The following RUNX1 variants were observed in gnomAD, a reference collection of about 807,000 sequenced individuals.
RUNX1 encodes the protein RUNX family transcription factor 1, also known as runt-related transcription factor 1.
Under a neutral mutation model 42.8 loss-of-function variants are expected in RUNX1, and 19 were observed. That is an observed-to-expected ratio of 0.44 (90% CI 0.31 to 0.65). RUNX1 has a LOEUF of 0.65. Among genes scored for constraint, RUNX1 ranks in the 30% least tolerant of loss-of-function variants. The probability of loss-of-function intolerance (pLI) is 0.07; values close to 1 mark genes in which losing one functional copy is unlikely to be tolerated. For missense variants in RUNX1, 528 were observed against 672.0 expected (o/e 0.79, Z 2.37); for synonymous variants, 271 against 289.4 (o/e 0.94, Z 0.64).
chr21:35,038,043 T>G (rs1046614948), intron 2 of RUNX1, among the ~76,000 whole-genome samples: 13 of 152,042 alleles, frequency 8.6e-5, no homozygotes, highest in African/African-American at 3.1e-4. Context: ...ATTTTCAGAG[T>G]TACCTTGTAC....
At chr21:35,000,701 A>G (rs1201538149) in intron 2 of RUNX1, among the ~76,000 whole-genome samples, 1 of 152,228 alleles carries the variant, frequency 6.6e-6, no homozygotes, top group Non-Finnish European at 1.5e-5. Flanking sequence ...TATAAGTAAC[A>G]TTAACTACTC....
chr21:34,798,620 T>C (rs1380217478), intron 8 of RUNX1, among the ~76,000 whole-genome samples: 1 of 152,046 alleles, frequency 6.6e-6, no homozygotes, highest in Non-Finnish European at 1.5e-5. Flanking sequence ...AAAAAAAGGA[T>C]GGTTGTGTCT....
chr21:34,957,458 C>T (rs1391222158), intron 2 of RUNX1, among the ~76,000 whole-genome samples: 1 of 152,136 alleles, frequency 6.6e-6, no homozygotes, highest in Non-Finnish European at 1.5e-5. Flanking sequence ...AGGTGGCCCC[C>T]TGAGAGACTA....
rs745649956 is a variant in RUNX1, at chr21:34,880,642, C to T, written c.423G>A (p.Ser141=). The T allele has an allele frequency of 1.7e-5, 28 of 1,613,966 alleles. No homozygotes were observed. In the South Asian group the frequency reaches 1.9e-4, roughly 11 times the overall value. Residue 141 remains serine, a synonymous_variant, in exon 5 of 9, where the codon TCG becomes TCA. Transcript: ENST00000675419. The part of the protein sequence containing the change: ...TVMAGNDENY[S]AELRNATAAM... The stretch of plus-strand genomic sequence containing the variant: ...CTGCGGTAGCATTTCTCAGCTCAGC[C>T]GAGTAGTTTTCATCATTGCCAGCCA...
In RUNX1 at chr21:34,892,921, A is replaced by G. The variant is rs754042987; in HGVS notation, c.97+4T>C. On this transcript the variant is annotated splice_donor_region_variant and intron_variant, in intron 3 of 8. Transcript: ENST00000675419. ...TTAAAAATATAACTTGGAATTTAAC[A>G]TACCGTGGACGTCTCTAGAAGGATT... The G allele has an allele frequency of 6.5e-7, 1 of 1,540,838 alleles. No homozygotes were observed. The highest frequency in any genetic ancestry group is 1.7e-4 in the Middle Eastern group (1 of 5,902).
At chr21:34,870,788 T>C (rs2057725600) in intron 5 of RUNX1, among the ~76,000 whole-genome samples, 1 of 151,928 alleles carries the variant, frequency 6.6e-6, no homozygotes, top group South Asian at 2.1e-4. Flanking sequence ...TGAAACCCCG[T>C]CTCTATGAAA....
At chr21:35,033,985 G>T (rs1226222301) in intron 2 of RUNX1, among the ~76,000 whole-genome samples, 1 of 152,084 alleles carries the variant, frequency 6.6e-6, no homozygotes, top group African/African-American at 2.4e-5. Context: ...TCTATAACTA[G>T]ACACGAAGAT....
chr21:34,882,421 A>T (rs537572245), intron 4 of RUNX1, among the ~76,000 whole-genome samples: 1 of 152,174 alleles, frequency 6.6e-6, no homozygotes, highest in African/African-American at 2.4e-5. Flanking sequence ...ATTTTCCTCT[A>T]TTTTATCCAA....
At chr21:34,870,576 G>T (rs887529296) in intron 5 of RUNX1, among the ~76,000 whole-genome samples, 38 of 152,314 alleles carry the variant, frequency 2.5e-4, no homozygotes, top group African/African-American at 8.9e-4. Context: ...AGAATAACTG[G>T]CCCTAAATGT....
chr21:34,963,360 C>T (rs927497917), intron 2 of RUNX1, among the ~76,000 whole-genome samples: 10 of 152,188 alleles, frequency 6.6e-5, no homozygotes, highest in African/African-American at 2.4e-4. Context: ...CCTTTTAAAG[C>T]TCCTGCAGAG....
Position 34,901,221 on chromosome 21 carries a change from A to C in RUNX1, c.59-8258T>G, listed in dbSNP as rs10854374. 0.22 allele frequency among the ~76,000 whole-genome samples: 32,962 copies of C among 151,600 alleles called. 3,807 individuals are homozygous for C. Among genetic ancestry groups the C allele is most frequent in the African/African-American group, 0.25 (10,284 of 41,294 alleles). On this transcript the variant is annotated intron_variant, in intron 2 of 8. Coordinates refer to ENST00000675419, the MANE Select transcript of RUNX1 (RefSeq NM_001754.5). This position sits in a 1 kb window ranked among gnomAD's most constrained non-coding sequence, Gnocchi z 4.3. ...CAAGTGTCTCTTTTGTGCAAAGATA[A>C]CAGTTTCTGGCTGGTCACGGTGGGT...
chr21:34,907,990 CT>C lies in RUNX1; in HGVS notation c.59-15028del, dbSNP rs1206649928. ...GAAACAGTGGCTGATCTGGGACCCC[CT>C]GACCTGTGAATTTGTGGTCCACCCC... On this transcript the variant is annotated intron_variant, in intron 2 of 8. Transcript: ENST00000675419. This position sits in a 1 kb window ranked among gnomAD's most constrained non-coding sequence, Gnocchi z 5.3. Among the ~76,000 whole-genome samples the C allele has an allele frequency of 1.3e-5, 2 of 152,174 alleles. No homozygotes were observed. Among genetic ancestry groups the C allele is most frequent in the Non-Finnish European group, 2.9e-5 (2 of 68,032 alleles).
chr21:34,871,699 C>T (rs186379401), intron 5 of RUNX1, among the ~76,000 whole-genome samples: 2 of 152,302 alleles, frequency 1.3e-5, no homozygotes, highest in African/African-American at 2.4e-5. Context: ...GCAAGCCCAT[C>T]CTGTGGGCGG....
chr21:34,938,477 C>T (rs2058502690), intron 2 of RUNX1, among the ~76,000 whole-genome samples: 1 of 152,120 alleles, frequency 6.6e-6, no homozygotes, highest in Non-Finnish European at 1.5e-5. Context: ...ATAGTTCTCT[C>T]ATTTTCTTTC....
intron 2 of RUNX1, among the ~76,000 whole-genome samples, chr21:34,968,061 T>C (rs1400371498): frequency 2.0e-5 from 3 of 152,178 alleles, no homozygotes; most frequent in Non-Finnish European, 4.4e-5. Context: ...CCGATCCAGC[T>C]TCCTGCAACT....
chr21:34,899,327 T>A (rs1408163268), intron 2 of RUNX1, among the ~76,000 whole-genome samples: 2 of 152,150 alleles, frequency 1.3e-5, no homozygotes, highest in Non-Finnish European at 2.9e-5. Flanking sequence ...GGGAGGTGAT[T>A]AGATTAAGAT....
chr21:35,018,909 A>C (rs1381467280), intron 2 of RUNX1, among the ~76,000 whole-genome samples: 3 of 152,178 alleles, frequency 2.0e-5, no homozygotes, highest in Admixed American at 6.5e-5. Flanking sequence ...ATCTTTTTGG[A>C]GGCCTAAGAC....
chr21:34,797,031 C>G (rs2056538762), intron 8 of RUNX1, among the ~76,000 whole-genome samples: 1 of 152,208 alleles, frequency 6.6e-6, no homozygotes, highest in Non-Finnish European at 1.5e-5. Context: ...AGCTGTCGGC[C>G]AGGCAGCCAC....
At chr21:34,861,790 G>C (rs1216750045) in intron 5 of RUNX1, among the ~76,000 whole-genome samples, 2 of 152,152 alleles carry the variant, frequency 1.3e-5, no homozygotes, top group African/African-American at 4.8e-5. Flanking sequence ...TCAGTCACTT[G>C]TTTTCCAGGC....
Sources: allele counts gnomAD v4.1 joint callset (sites outside exome capture counted in the v4.1 genomes callset), GRCh38; gene constraint gnomAD v4.1.1; non-coding constraint Gnocchi (gnomAD v3.1); transcripts MANE v1.5; gene names NCBI Gene and HGNC (gene_info 2026-07-23, HGNC 2026-07-21).